MEIS1: variants seen among roughly 807,000 people sequenced by gnomAD.
MEIS1 encodes homeobox protein Meis1.
Under a neutral mutation model 50.8 loss-of-function variants are expected in MEIS1, and 5 were observed. That is an observed-to-expected ratio of 0.10 (90% confidence interval 0.05 to 0.21). The LOEUF is 0.21. Ranked by LOEUF, MEIS1 falls within the 10% of genes least tolerant of loss-of-function variation. The probability of loss-of-function intolerance (pLI) is 1.00; values close to 1 mark genes in which losing one functional copy is unlikely to be tolerated. For missense variants in MEIS1, 318 were observed against 517.3 expected (o/e 0.61, Z 3.74); for synonymous variants, 176 against 179.3 (o/e 0.98, Z 0.15).
At chr2:66,491,764 C>G (rs1673279252) in intron 7 of MEIS1, among the ~76,000 whole-genome samples, 2 of 152,124 alleles carry the variant, frequency 1.3e-5, no homozygotes, top group African/African-American at 4.8e-5. Flanking sequence ...AATGCTGGCT[C>G]TACATTCACA....
intron 7 of MEIS1, among the ~76,000 whole-genome samples, chr2:66,466,545 A>T (rs1430007835): frequency 6.6e-6 from 1 of 152,116 alleles, no homozygotes; most frequent in Admixed American, 6.5e-5. Context: ...AGAACTGCAG[A>T]GCTTGGTCTT....
chr2:66,437,847 C>G lies in MEIS1; in HGVS notation c.123C>G (p.His41Gln), dbSNP rs922651749. 1 of 1,613,826 alleles carries G rather than the reference C, an allele frequency of 6.2e-7. No individual in the cohort carries two copies. The highest frequency in any genetic ancestry group is 8.5e-7 in the Non-Finnish European group (1 of 1,179,838). Residue 41 changes from histidine (H) to glutamine (Q), a missense_variant, in exon 2 of 13, where the codon CAC becomes CAG. Coordinates refer to ENST00000272369, the MANE Select transcript of MEIS1 (RefSeq NM_002398.3). ...TGCAGCCGGTCCACCACCTGAACCA[C>G]GGGCCTCCTCTGCACTCGCATCAGT... ...RSMQPVHHLN[H>Q]GPPLHSHQYP...
At chr2:66,514,818 C>G (rs1673923533) in intron 8 of MEIS1, among the ~76,000 whole-genome samples, 1 of 152,164 alleles carries the variant, frequency 6.6e-6, no homozygotes, top group Non-Finnish European at 1.5e-5. Context: ...AGACCTCCAG[C>G]TATAAGGAAC....
chr2:66,490,874 G>T (rs1673254878), intron 7 of MEIS1, among the ~76,000 whole-genome samples: 1 of 152,200 alleles, frequency 6.6e-6, no homozygotes, highest in Admixed American at 6.5e-5. Context: ...CTTTGCACAT[G>T]CTCACAAGTC....
At chr2:66,519,577 C>T (rs1005849872) in intron 8 of MEIS1, among the ~76,000 whole-genome samples, 3 of 152,122 alleles carry the variant, frequency 2.0e-5, no homozygotes, top group Non-Finnish European at 2.9e-5. Flanking sequence ...GGTTATGCTA[C>T]GCAACCTTCT....
intron 7 of MEIS1, among the ~76,000 whole-genome samples, chr2:66,504,746 G>T (rs1244260702): frequency 7.9e-5 from 12 of 152,178 alleles, no homozygotes; most frequent in Non-Finnish European, 1.5e-5. Flanking sequence ...CCACTGCTAT[G>T]TCTGTACCAC....
At chr2:66,556,701 CTTTG>C (rs1367264550) in intron 9 of MEIS1, among the ~76,000 whole-genome samples, 3 of 152,068 alleles carry the variant, frequency 2.0e-5, no homozygotes, top group Non-Finnish European at 2.9e-5. Flanking sequence ...CAGTGGTTGA[CTTTG>C]TTTGTTTGCT....
At chr2:66,556,391 C>A (rs1424869669) in intron 9 of MEIS1, among the ~76,000 whole-genome samples, 1 of 152,094 alleles carries the variant, frequency 6.6e-6, no homozygotes, top group East Asian at 1.9e-4. Context: ...AACACATTAA[C>A]TCCTCCAGGT....
chr2:66,458,693 G>T (rs1197756180), intron 6 of MEIS1, among the ~76,000 whole-genome samples: 1 of 152,152 alleles, frequency 6.6e-6, no homozygotes, highest in Non-Finnish European at 1.5e-5. Flanking sequence ...TTTCCAACAG[G>T]ACTAGCTTTA....
intron 10 of MEIS1, 30 bp from the exon 11 acceptor site, chr2:66,568,637 A>G (rs763744599): frequency 1.9e-6 from 3 of 1,572,322 alleles, no homozygotes; most frequent in Non-Finnish European, 2.6e-6. Flanking sequence ...AGAGACTGTT[A>G]TTAAAAAACC....
At position 66,571,757 on chromosome 2, in the gene MEIS1, A is replaced by T. The variant is rs1675493063; in HGVS notation, c.*549A>T. On this transcript the variant is annotated 3_prime_UTR_variant, in exon 13 of 13. Coordinates refer to ENST00000272369, the MANE Select transcript of MEIS1 (RefSeq NM_002398.3). Reference sequence around the variant, plus strand: ...CAAAGAGTGAAATATTGTAAATGCTATTATACTGTTATCCATATTACGTTG... The same window carrying T: ...CAAAGAGTGAAATATTGTAAATGCTTTTATACTGTTATCCATATTACGTTG... 1.8e-6 allele frequency: 1 copy of T among 545,422 alleles called. No individual in the cohort carries two copies. The highest frequency in any genetic ancestry group is 3.2e-6 in the Non-Finnish European group (1 of 312,398). The allele number at this position is 545,422 out of a possible 1,614,324, so 33.8% of individuals were successfully genotyped here. A position where few individuals can be genotyped will look rare whatever the true frequency, so the allele number is the denominator to read the frequency against.
At position 66,462,318 on chromosome 2, in the gene MEIS1, TAAAATG is replaced by T. The variant is rs539342808; in HGVS notation, c.631-1789_631-1784del. ...CAATAGTAGTGAGGGACAACATAAA[TAAAATG>T]AGAGTGCCCAGGAGATGTCACTCGC... On this transcript the variant is annotated intron_variant, in intron 6 of 12. Coordinates refer to ENST00000272369, the MANE Select transcript of MEIS1 (RefSeq NM_002398.3). Among the ~76,000 whole-genome samples the T allele has an allele frequency of 2.4e-3, 368 of 152,272 alleles. 2 individuals carry two copies. The highest frequency in any genetic ancestry group is 3.8e-3 in the Non-Finnish European group (258 of 68,014).
intron 8 of MEIS1, among the ~76,000 whole-genome samples, chr2:66,543,980 G>T (rs1572893203): frequency 6.6e-6 from 1 of 152,162 alleles, no homozygotes; most frequent in Non-Finnish European, 1.5e-5. Flanking sequence ...AGAGCCTACT[G>T]ATCTTTCTTA....
chr2:66,444,156 C>A (rs1672071720), intron 6 of MEIS1, among the ~76,000 whole-genome samples: 1 of 152,098 alleles, frequency 6.6e-6, no homozygotes, highest in Non-Finnish European at 1.5e-5. Flanking sequence ...GGGTAGCTGG[C>A]CTGCTCTGCA....
At chr2:66,509,930 C>G (rs543420613) in intron 7 of MEIS1, among the ~76,000 whole-genome samples, 6 of 152,176 alleles carry the variant, frequency 3.9e-5, no homozygotes, top group Non-Finnish European at 7.3e-5. Context: ...CTATGCATTG[C>G]TTGCTAAATT....
At chr2:66,437,421 C>A (rs984047933) in intron 1 of MEIS1, 2 of 354,240 alleles carry the variant, frequency 5.6e-6, no homozygotes, top group Non-Finnish European at 1.0e-5. Flanking sequence ...CTTCTACCCT[C>A]GGGAGAATGC....
At chr2:66,480,124 A>T (rs917103035) in intron 7 of MEIS1, among the ~76,000 whole-genome samples, 1 of 152,240 alleles carries the variant, frequency 6.6e-6, no homozygotes, top group Non-Finnish European at 1.5e-5. Flanking sequence ...AAATGCTCAT[A>T]GAATAGAAAT....
intron 12 of MEIS1, chr2:66,570,434 A>T (rs1479707223): frequency 6.6e-6 from 1 of 152,148 alleles, no homozygotes; most frequent in Non-Finnish European, 1.5e-5. Flanking sequence ...TTAGTTCAAA[A>T]ATGTTCCTTT....
intron 7 of MEIS1, among the ~76,000 whole-genome samples, chr2:66,495,574 G>A (rs1673381629): frequency 6.6e-6 from 1 of 152,094 alleles, no homozygotes; most frequent in Admixed American, 6.6e-5. Context: ...CCATATTTTG[G>A]TATCTAGCAT....
Sources: allele counts gnomAD v4.1 joint callset (sites outside exome capture counted in the v4.1 genomes callset), GRCh38; gene constraint gnomAD v4.1.1; transcripts MANE v1.5; gene names NCBI Gene and HGNC (gene_info 2026-07-23, HGNC 2026-07-21).